Variants in CAPN3 observed in about 807,000 individuals in gnomAD.
CAPN3 encodes calpain 3.
In CAPN3, 88 loss-of-function variants were observed where a neutral mutation model predicts 114.0. The observed-to-expected ratio is 0.77, with a 90% CI of 0.65 to 0.92. CAPN3 has a LOEUF of 0.92. Ranked by LOEUF, CAPN3 falls within the 40% of genes least tolerant of loss-of-function variation. The probability of loss-of-function intolerance (pLI) is 0.00; values close to 1 mark genes in which losing one functional copy is unlikely to be tolerated. For missense variants in CAPN3, 1,028 were observed against 1,069.0 expected, an observed-to-expected ratio of 0.96 and a Z score of 0.53; for synonymous variants, 386 against 382.9, an observed-to-expected ratio of 1.01 and a Z score of -0.09.
At chr15:42,403,690 C>G (rs558619325) in intron 13 of CAPN3, 51 bp from the exon 14 acceptor site, 2 of 1,567,504 alleles carry the variant, frequency 1.3e-6, no homozygotes, top group South Asian at 2.2e-5. Context: ...CCACGGGCCT[C>G]CTGCTTGCTT....
rs121434548 is a variant in CAPN3 at position 42,401,755 on chromosome 15, G to C, written c.1469G>C (p.Arg490Pro). 6 of 1,613,924 alleles carry C rather than the reference G, an allele frequency of 3.7e-6. No homozygotes were observed. The South Asian group carries it at 6.6e-5, about 18-fold the overall frequency. ...FLVALMQKNR[R>P]KDRKLGASLF... is the part of the protein sequence containing the mutation. Reference sequence around the variant, plus strand: ...GTGGCCCTGATGCAGAAGAACCGGCGGAAGGACCGGAAGCTAGGGGCCAGT... The same window carrying C: ...GTGGCCCTGATGCAGAAGAACCGGCCGAAGGACCGGAAGCTAGGGGCCAGT... The change falls in exon 11 of 24, where the codon CGG becomes CCG. Residue 490 changes from arginine to proline, a missense_variant. Arg to Pro is a moderately radical substitution (Grantham distance 103, BLOSUM62 -2). Transcript: ENST00000397163.
At chr15:42,371,236 A>G (rs897724868) in intron 1 of CAPN3, among the ~76,000 whole-genome samples, 3 of 152,178 alleles carry the variant, frequency 2.0e-5, no homozygotes, top group Non-Finnish European at 2.9e-5. Context: ...TGTTTCAGTG[A>G]AAGTGACAAT....
chr15:42,368,412 C>A (rs1034065090), intron 1 of CAPN3, among the ~76,000 whole-genome samples: 1 of 152,144 alleles, frequency 6.6e-6, no homozygotes, highest in African/African-American at 2.4e-5. Context: ...GGAGGAAATA[C>A]GTGTGTCAGA....
intron 6 of CAPN3, among the ~76,000 whole-genome samples, chr15:42,391,767 A>T (rs180719625): frequency 1.3e-5 from 2 of 152,206 alleles, no homozygotes; most frequent in East Asian, 1.9e-4. Context: ...CTGAGCAGGG[A>T]TCTCCTCGGG....
chr15:42,380,751 A>ATATTTTTTT (rs1436943739), intron 1 of CAPN3, among the ~76,000 whole-genome samples: 6 of 64,456 alleles, frequency 9.3e-5, no homozygotes, highest in African/African-American at 5.4e-4. Context: ...ATATATATAT[A>ATATTTTTTT]TTTTTTTTTT....
At chr15:42,393,332 C>A (rs1454166551) in intron 7 of CAPN3, among the ~76,000 whole-genome samples, 1 of 151,984 alleles carries the variant, frequency 6.6e-6, no homozygotes, top group Admixed American at 6.6e-5. Context: ...TATTTTTGAT[C>A]CACAATTGGT....
In CAPN3 at chr15:42,378,699, A is replaced by C. The variant is rs2053157391; in HGVS notation, c.310-5784A>C. 1.3e-5 allele frequency among the ~76,000 whole-genome samples: 2 copies of C among 151,824 alleles called. 1 individual carries two copies. Among genetic ancestry groups the C allele is most frequent in the Non-Finnish European group, 2.9e-5 (2 of 67,980 alleles). ...TCTTCTGCTTGCTTTAGGCTTAAGT[A>C]TCTCTTCTATAGTGTACTAAGATGG... On this transcript the variant is annotated intron_variant, in intron 1 of 23. Coordinates refer to ENST00000397163, the MANE Select transcript of CAPN3 (RefSeq NM_000070.3).
chr15:42,378,308 A>G (rs7183399), intron 1 of CAPN3, among the ~76,000 whole-genome samples: 5,762 of 152,292 alleles, frequency 0.038, 308 homozygotes, highest in African/African-American at 0.12. Flanking sequence ...ACATGAGTAA[A>G]CAAGCTCTTT....
At chr15:42,402,415 A>G (rs1166728883) in intron 12 of CAPN3, 4 of 1,437,680 alleles carry the variant, frequency 2.8e-6, no homozygotes, top group African/African-American at 2.9e-5. Flanking sequence ...ACAGCCACAC[A>G]CACAGTCACA....
chr15:42,403,813 A>C, intron 14 of CAPN3, 36 bp downstream of exon 14: 1 of 1,602,410 alleles, frequency 6.2e-7, no homozygotes, highest in Non-Finnish European at 8.6e-7. Context: ...AAAAGTCCAG[A>C]GGGTCCCCTT....
chr15:42,392,810 G>T, intron 7 of CAPN3, 88 bp downstream of exon 7: 1 of 978,342 alleles, frequency 1.0e-6, no homozygotes, highest in Non-Finnish European at 1.6e-6. Flanking sequence ...CCCCTTCCCT[G>T]TCTGCAGAGC....
intron 1 of CAPN3, among the ~76,000 whole-genome samples, chr15:42,382,153 A>G (rs916809224): frequency 1.3e-5 from 2 of 151,998 alleles, no homozygotes; most frequent in African/African-American, 4.8e-5. Flanking sequence ...TCTGATAATA[A>G]TCTAATGTTT....
Position 42,412,156 on chromosome 15 carries a change from C to T in CAPN3, c.*383C>T, listed in dbSNP as rs770781211. ...GCTAGAGCCCTCCATCACCTTCACG[C>T]TGTCCCACCATGGGCCAGGAACCAA... On this transcript the variant is annotated 3_prime_UTR_variant, in exon 24 of 24. Transcript: ENST00000397163. 1.4e-5 allele frequency: 22 copies of T among 1,536,024 alleles called. No individual in the cohort carries two copies. In the South Asian group the frequency reaches 2.4e-4, roughly 17 times the overall value.
chr15:42,401,922 G>A, intron 11 of CAPN3, 112 bp downstream of exon 11: 1 of 1,348,926 alleles, frequency 7.4e-7, no homozygotes, highest in Non-Finnish European at 1.0e-6. Flanking sequence ...GACCCACAGA[G>A]CTCCTGGTAT....
At chr15:42,372,662 A>G (rs1471635640) in intron 1 of CAPN3, among the ~76,000 whole-genome samples, 2 of 152,082 alleles carry the variant, frequency 1.3e-5, no homozygotes, top group Non-Finnish European at 2.9e-5. Context: ...AGCCTGGCCA[A>G]CATGGTGAAA....
chr15:42,402,855 G>A lies in CAPN3; in HGVS notation c.1598G>A (p.Arg533Lys). Reference sequence around the variant, plus strand: ...TTCCTGTACAACGCCTCCAAGGCCAGGAGCAAAACCTACATCAACATGCGG... The same window carrying A: ...TTCCTGTACAACGCCTCCAAGGCCAAGAGCAAAACCTACATCAACATGCGG... ...DFFLYNASKA[R>K]SKTYINMREV... is the part of the protein sequence containing the mutation. The change falls in exon 13 of 24, where the codon AGG (arginine) becomes AAG (lysine). Residue 533 changes from arginine (R) to lysine (K), a missense_variant. By Grantham distance (26) the Arg-to-Lys change is conservative (BLOSUM62 2). Transcript: ENST00000397163. The A allele has an allele frequency of 6.2e-7, 1 of 1,614,182 alleles. No homozygotes were observed. The highest frequency in any genetic ancestry group is 1.1e-5 in the South Asian group (1 of 91,080).
chr15:42,409,441 C>A, intron 17 of CAPN3, 61 bp downstream of exon 17: 1 of 1,420,524 alleles, frequency 7.0e-7, no homozygotes, highest in South Asian at 1.2e-5. Context: ...ATTAACTGCT[C>A]AGATTACCAA....
rs1414776544 is a variant in CAPN3 at position 42,389,953 on chromosome 15, G to A, written c.802G>A (p.Asp268Asn). The A allele has an allele frequency of 6.2e-7, 1 of 1,613,968 alleles. No individual in the cohort carries two copies. The highest frequency in any genetic ancestry group is 1.3e-5 in the African/African-American group (1 of 74,950). Residue 268 changes from aspartate to asparagine, a missense_variant and splice_region_variant, in exon 6 of 24, where the codon GAT becomes AAT. Physicochemically the swap from Asp to Asn is conservative, Grantham distance 23. Coordinates refer to ENST00000397163, the MANE Select transcript of CAPN3 (RefSeq NM_000070.3). The stretch of plus-strand genomic sequence containing the variant: ...CCCTACATTCTCCATCGGGCCTCAG[G>A]ATGGCACGAACATGACCTATGGAAC... ...RGSLMGCSID[D>N]GTNMTYGTSP... is the part of the protein sequence containing the mutation.
Position 42,408,241 on chromosome 15 carries a change from A to G in CAPN3, c.1831A>G (p.Ser611Gly). The G allele has an allele frequency of 6.2e-7, 1 of 1,613,804 alleles. No homozygotes were observed. The highest frequency in any genetic ancestry group is 1.7e-4 in the Middle Eastern group (1 of 6,026). Residue 611 changes from serine (S) to glycine (G), a missense_variant, in exon 16 of 24, where the codon AGC becomes GGC. By Grantham distance (56) the Ser-to-Gly change is moderately conservative. Transcript: ENST00000397163. ...PIIFVSDRANSNKELGVDQES... is the reference protein window; with the variant it reads ...PIIFVSDRANGNKELGVDQES... ...CATCTTCGTTTCGGACAGAGCAAAC[A>G]GCAACAAGGAGCTGGGTGTGGACCA...
Sources: allele counts gnomAD v4.1 joint callset (sites outside exome capture counted in the v4.1 genomes callset), GRCh38; gene constraint gnomAD v4.1.1; transcripts MANE v1.5; gene names NCBI Gene and HGNC (gene_info 2026-07-23, HGNC 2026-07-21).